Variants in TRIM33 observed in about 807,000 individuals in gnomAD.
TRIM33 encodes the protein E3 ubiquitin-protein ligase TRIM33.
In TRIM33, 20 loss-of-function variants were observed where a neutral mutation model predicts 125.4. The ratio of observed to expected loss-of-function variants is 0.16; its 90% CI spans 0.11 to 0.23. The LOEUF (loss-of-function observed/expected upper bound fraction) is 0.23. Among genes scored for constraint, TRIM33 ranks in the 10% least tolerant of loss-of-function variants. The pLI is 1.00. For synonymous variants in TRIM33, 564 were observed against 513.9 expected (o/e 1.10, Z -1.32); for missense variants, 920 against 1,411.4 (o/e 0.65, Z 5.58).
At chr1:114,473,386 T>G (rs1433426185) in intron 1 of TRIM33, among the ~76,000 whole-genome samples, 2 of 152,140 alleles carry the variant, frequency 1.3e-5, no homozygotes, top group African/African-American at 4.8e-5. Context: ...TTCTTATTCC[T>G]GACGCACATG....
chr1:114,482,810 T>C (rs1181374406), intron 1 of TRIM33, among the ~76,000 whole-genome samples: 2 of 152,188 alleles, frequency 1.3e-5, no homozygotes, highest in African/African-American at 4.8e-5. Context: ...CGTATGAAGA[T>C]GTGCTTAACT....
intron 2 of TRIM33, among the ~76,000 whole-genome samples, chr1:114,463,989 G>A (rs535995335): frequency 2.9e-4 from 44 of 151,578 alleles, no homozygotes; most frequent in Non-Finnish European, 5.5e-4. Flanking sequence ...AGCTGGTCTC[G>A]AACTCCGGGG....
At chr1:114,486,175 C>T (rs1651669754) in intron 1 of TRIM33, among the ~76,000 whole-genome samples, 2 of 152,054 alleles carry the variant, frequency 1.3e-5, no homozygotes, top group African/African-American at 4.8e-5. Context: ...ATTTGGTAGG[C>T]TGAGGCAGGA....
At position 114,510,490 on chromosome 1, in the gene TRIM33, G is replaced by A. The variant is rs565212984; in HGVS notation, c.526+61C>T. 2.0e-4 allele frequency: 275 copies of A among 1,392,532 alleles called. 4 individuals are homozygous for A. The highest frequency in any genetic ancestry group is 1.3e-3 in the South Asian group (81 of 64,090). 86.3% of individuals were successfully genotyped at this position (1,392,532 alleles called of 1,614,324 possible). ...CCAGGCCCCAGCACCTCCGTCCCCA[G>A]CTCCTCTAGGGTTGCGCAAATCCCT... On this transcript the variant is annotated intron_variant, in intron 1 of 19. Transcript: ENST00000358465.
chr1:114,499,606 A>C (rs1307742759), intron 1 of TRIM33, among the ~76,000 whole-genome samples: 1 of 152,218 alleles, frequency 6.6e-6, no homozygotes, highest in African/African-American at 2.4e-5. Context: ...ATAGTAAACT[A>C]AAAGTCTGCT....
At chr1:114,399,345 G>GAAAA in intron 18 of TRIM33, 112 bp downstream of exon 18, 1 of 964,662 alleles carries the variant, frequency 1.0e-6, no homozygotes, top group South Asian at 1.8e-5. Flanking sequence ...ACTTTTGACA[G>GAAAA]GACTTTAGCA....
In TRIM33 at chr1:114,510,967, G is replaced by T; in HGVS notation, c.110C>A (p.Pro37His). Reference protein sequence around the residue: ...AGPAAQEAEPPLTAVLVEEEE... With the variant: ...AGPAAQEAEPHLTAVLVEEEE... ...CTCCTCCACCAGCACCGCGGTGAGA[G>T]GCGGCTCCGCCTCCTGCGCGGCGGG... Residue 37 changes from proline to histidine, a missense_variant, in exon 1 of 20, where the codon CCT becomes CAT. Transcript: ENST00000358465. 7.3e-7 allele frequency: 1 copy of T among 1,378,466 alleles called. No homozygotes were observed. The highest frequency in any genetic ancestry group is 9.4e-7 in the Non-Finnish European group (1 of 1,066,284). 85.4% of individuals were successfully genotyped at this position (1,378,466 alleles called of 1,614,324 possible).
At chr1:114,459,775 T>C (rs993201520) in intron 4 of TRIM33, among the ~76,000 whole-genome samples, 4 of 152,074 alleles carry the variant, frequency 2.6e-5, no homozygotes, top group Admixed American at 2.6e-4. Context: ...TCCATATATA[T>C]ATACAGTTAA....
chr1:114,397,068 A>G lies in TRIM33; in HGVS notation c.*580T>C, dbSNP rs113976766. On this transcript the variant is annotated 3_prime_UTR_variant, in exon 20 of 20. Coordinates refer to ENST00000358465, the MANE Select transcript of TRIM33 (RefSeq NM_015906.4). ...AAATAAAACCATTGCTGAGTTCTTT[A>G]TATCAATTTAAAAACTAAGACCCAA... The G allele has an allele frequency of 9.0e-6, 2 of 222,214 alleles. No individual in the cohort carries two copies. The highest frequency in any genetic ancestry group is 2.2e-5 in the African/African-American group (1 of 44,756). 13.8% of individuals were successfully genotyped at this position (222,214 alleles called of 1,614,324 possible). A position where few individuals can be genotyped will look rare whatever the true frequency, so the allele number is the denominator to read the frequency against.
intron 11 of TRIM33, among the ~76,000 whole-genome samples, chr1:114,417,290 T>G (rs1239937975): frequency 6.6e-6 from 1 of 152,206 alleles, no homozygotes; most frequent in East Asian, 1.9e-4. Context: ...TACAATCTTG[T>G]GAATGCATTA....
intron 10 of TRIM33, among the ~76,000 whole-genome samples, chr1:114,422,703 T>C (rs1218921270): frequency 6.6e-6 from 1 of 151,464 alleles, no homozygotes; most frequent in Non-Finnish European, 1.5e-5. Context: ...AATAACGATG[T>C]TGGGTGTCTG....
intron 1 of TRIM33, chr1:114,468,892 C>A (rs977596916): frequency 2.4e-5 from 6 of 245,282 alleles, no homozygotes; most frequent in Admixed American, 5.4e-5. Context: ...GATGTGGTTG[C>A]TGAAAAGGAA....
At chr1:114,487,973 T>C (rs915674492) in intron 1 of TRIM33, among the ~76,000 whole-genome samples, 1 of 143,732 alleles carries the variant, frequency 7.0e-6, no homozygotes, top group Non-Finnish European at 1.5e-5. Flanking sequence ...ATTTCTTAAA[T>C]CATGTGAGAG....
rs368892962 is a variant in TRIM33 at position 114,507,053 on chromosome 1, C to T, written c.526+3498G>A. 7.9e-5 allele frequency among the ~76,000 whole-genome samples: 12 copies of T among 152,188 alleles called. No individual in the cohort carries two copies. The South Asian group carries it at 1.2e-3, about 16-fold the overall frequency. ...TACAATATCCTAGTGCAAAGTGAGA[C>T]GGGCAAGTAAACAAAAATAAACATT... On this transcript the variant is annotated intron_variant, in intron 1 of 19. Coordinates refer to ENST00000358465, the MANE Select transcript of TRIM33 (RefSeq NM_015906.4).
chr1:114,491,918 C>T (rs921768323), intron 1 of TRIM33, among the ~76,000 whole-genome samples: 9 of 152,314 alleles, frequency 5.9e-5, no homozygotes, highest in African/African-American at 2.2e-4. Flanking sequence ...CTCCATAAAG[C>T]ACAAACATCC....
intron 1 of TRIM33, among the ~76,000 whole-genome samples, chr1:114,487,203 T>C (rs915581119): frequency 6.9e-6 from 1 of 145,920 alleles, no homozygotes; most frequent in African/African-American, 2.5e-5. Flanking sequence ...AAAACCCAAA[T>C]AAATCCACAC....
chr1:114,395,558 CT>C lies in TRIM33; in HGVS notation c.*2089del, dbSNP rs1041525554. On this transcript the variant is annotated 3_prime_UTR_variant, in exon 20 of 20. Transcript: ENST00000358465. ...GAAGTTATACTGCTGCTATTCCTCA[CT>C]TTCCAAAAATGTGCCCTTAGATATA... 2 of 201,202 alleles carry C rather than the reference CT, an allele frequency of 9.9e-6. No homozygotes were observed. Among genetic ancestry groups the C allele is most frequent in the Non-Finnish European group, 2.0e-5 (2 of 97,710 alleles). The allele number at this position is 201,202 out of a possible 1,614,324, so 12.5% of individuals were successfully genotyped here.
intron 1 of TRIM33, among the ~76,000 whole-genome samples, chr1:114,471,225 G>A (rs1650628226): frequency 6.6e-6 from 1 of 152,198 alleles, no homozygotes. Context: ...GAGGTGGGCG[G>A]ATGGCGAAGT....
intron 1 of TRIM33, among the ~76,000 whole-genome samples, chr1:114,474,577 T>TGA (rs1290845688): frequency 1.1e-5 from 1 of 87,962 alleles, no homozygotes; most frequent in Non-Finnish European, 2.1e-5. Flanking sequence ...TTGTCTCTAT[T>TGA]TAAAAAAAAA....
Sources: gnomAD v4.1 joint callset for allele counts (sites outside exome capture counted in the v4.1 genomes callset) on GRCh38, gnomAD v4.1.1 for gene constraint, MANE v1.5 for transcripts, NCBI Gene and HGNC (gene_info 2026-07-23, HGNC 2026-07-21) for gene names.